The following C3orf22 variants were observed in gnomAD, a reference collection of about 807,000 sequenced individuals.
C3orf22 encodes the protein uncharacterized protein C3orf22.
Under a neutral mutation model 10.8 loss-of-function variants are expected in C3orf22, and 7 were observed. That is an observed-to-expected ratio of 0.65 (90% CI 0.37 to 1.22). The LOEUF (loss-of-function observed/expected upper bound fraction) is 1.22, where lower values mean the gene tolerates loss of function less well. Ranked by LOEUF, C3orf22 falls within the 50% of genes most tolerant of loss-of-function variation. C3orf22 has a pLI of 0.02. For synonymous variants in C3orf22, 79 were observed against 78.9 expected (o/e 1.00, Z 0.00); for missense variants, 173 against 177.0 (o/e 0.98, Z 0.13).
chr3:126,539,756 T>TA (rs1936894943), intron 4 of C3orf22, among the ~76,000 whole-genome samples: 1 of 18,366 alleles, frequency 5.4e-5, no homozygotes, highest in African/African-American at 2.8e-4. Context: ...CACCACACAC[T>TA]CCACACCACA....
chr3:126,539,580 C>T (rs1366233285), intron 4 of C3orf22, among the ~76,000 whole-genome samples: 1 of 142,958 alleles, frequency 7.0e-6, no homozygotes, highest in Non-Finnish European at 1.5e-5. Context: ...CACATATGTA[C>T]CCCACACCAC....
intron 4 of C3orf22, among the ~76,000 whole-genome samples, chr3:126,540,094 C>G (rs577450811): frequency 6.6e-6 from 1 of 151,612 alleles, no homozygotes; most frequent in African/African-American, 2.4e-5. Context: ...GCACCACACA[C>G]GCACAGGACA....
At chr3:126,552,284 CA>C in intron 2 of C3orf22, 162 bp from the exon 3 acceptor site, 8 of 662,268 alleles carry the variant, frequency 1.2e-5, no homozygotes, top group Non-Finnish European at 1.5e-5. Flanking sequence ...AGGTGTTACC[CA>C]CACTTTACAG....
chr3:126,553,230 T>C, intron 2 of C3orf22, 72 bp downstream of exon 2: 2 of 1,091,438 alleles, frequency 1.8e-6, no homozygotes, highest in South Asian at 1.2e-5. Context: ...ACAGAATGCA[T>C]TTGAGTTCCC....
chr3:126,540,531 C>G (rs1936936802), intron 4 of C3orf22, among the ~76,000 whole-genome samples: 1 of 152,214 alleles, frequency 6.6e-6, no homozygotes, highest in South Asian at 2.1e-4. Context: ...ATAACGCCCT[C>G]CAGGTCAGCC....
intron 4 of C3orf22, among the ~76,000 whole-genome samples, chr3:126,534,582 C>T (rs1310040729): frequency 6.6e-6 from 1 of 150,926 alleles, no homozygotes; most frequent in African/African-American, 2.4e-5. Flanking sequence ...GAGACACACA[C>T]AGAGAGCATC....
chr3:126,557,605 G>C (rs1176062344), intron 1 of C3orf22, among the ~76,000 whole-genome samples: 1 of 152,162 alleles, frequency 6.6e-6, no homozygotes, highest in Non-Finnish European at 1.5e-5. Context: ...CTGAACACAG[G>C]CCACTGGGAC....
chr3:126,538,465 C>T (rs949621985), intron 4 of C3orf22, among the ~76,000 whole-genome samples: 2 of 152,214 alleles, frequency 1.3e-5, no homozygotes, highest in South Asian at 4.1e-4. Context: ...ACATTCCCCC[C>T]GAACCCCCGG....
intron 3 of C3orf22, 145 bp downstream of exon 3, chr3:126,551,852 C>T: frequency 1.1e-6 from 1 of 880,458 alleles, no homozygotes; most frequent in Non-Finnish European, 1.7e-6. Context: ...CTTTAGCATC[C>T]CCCTTCTCTG....
At chr3:126,528,626 TG>T (rs1936583226) in intron 5 of C3orf22, among the ~76,000 whole-genome samples, 1 of 152,022 alleles carries the variant, frequency 6.6e-6, no homozygotes, top group Non-Finnish European at 1.5e-5. Context: ...GGGCTGGCCA[TG>T]GGCAGGGAAG....
chr3:126,534,582 C>G (rs1310040729), intron 4 of C3orf22, among the ~76,000 whole-genome samples: 2 of 150,926 alleles, frequency 1.3e-5, no homozygotes, highest in South Asian at 4.2e-4. Flanking sequence ...GAGACACACA[C>G]AGAGAGCATC....
chr3:126,533,613 T>C (rs1299291226), intron 4 of C3orf22, among the ~76,000 whole-genome samples: 1 of 152,172 alleles, frequency 6.6e-6, no homozygotes, highest in Non-Finnish European at 1.5e-5. Context: ...TAGGATGTTA[T>C]TTTTGGTTTG....
At chr3:126,536,926 C>A (rs1008853114) in intron 4 of C3orf22, among the ~76,000 whole-genome samples, 2 of 149,048 alleles carry the variant, frequency 1.3e-5, no homozygotes, top group African/African-American at 2.5e-5. Context: ...CACACACACC[C>A]CACACACACA....
At chr3:126,547,301 G>T (rs536313593), downstream of C3orf22, among the ~76,000 whole-genome samples, 4 of 152,310 alleles carry the variant, frequency 2.6e-5, no homozygotes, top group Admixed American at 2.6e-4. Flanking sequence ...TCTCTCTCCT[G>T]TCAAACATTT....
chr3:126,549,251 GCC>G (rs113455201), downstream of C3orf22, among the ~76,000 whole-genome samples: 655 of 98,294 alleles, frequency 6.7e-3, 10 homozygotes, highest in African/African-American at 0.023. Flanking sequence ...CCTCATCCAC[GCC>G]CCCCCCCCCA....
chr3:126,556,694 TCACA>T (rs1266787633), intron 1 of C3orf22, among the ~76,000 whole-genome samples: 2 of 143,910 alleles, frequency 1.4e-5, no homozygotes, highest in South Asian at 4.5e-4. Flanking sequence ...ACACTCATTC[TCACA>T]CACACACTCA....
chr3:126,536,572 C>T (rs933824498), intron 4 of C3orf22, among the ~76,000 whole-genome samples: 1 of 152,124 alleles, frequency 6.6e-6, no homozygotes, highest in African/African-American at 2.4e-5. Context: ...TCCCATCCAT[C>T]AACAATCTGA....
At chr3:126,548,984 C>G (rs1937116225), downstream of C3orf22, among the ~76,000 whole-genome samples, 1 of 152,184 alleles carries the variant, frequency 6.6e-6, no homozygotes, top group Non-Finnish European at 1.5e-5. Context: ...GACTTTCTAG[C>G]CCCTGTATTT....
chr3:126,539,777 A>ACACAC (rs1553814437), intron 4 of C3orf22, among the ~76,000 whole-genome samples: 1 of 70,538 alleles, frequency 1.4e-5, no homozygotes, highest in East Asian at 4.3e-4. Flanking sequence ...CACACAGCAC[A>ACACAC]CACACACCAC....
Sources: allele counts gnomAD v4.1 joint callset (sites outside exome capture counted in the v4.1 genomes callset), GRCh38; gene constraint gnomAD v4.1.1; transcripts MANE v1.5; gene names NCBI Gene and HGNC (gene_info 2026-07-23, HGNC 2026-07-21).